Variants in PLCL1 observed in about 807,000 individuals in gnomAD.
The protein encoded by PLCL1 is inactive phospholipase C-like protein 1.
In PLCL1, 41 loss-of-function variants were observed where a neutral mutation model predicts 84.4. That is an observed-to-expected ratio of 0.49 (90% confidence interval 0.38 to 0.63). The LOEUF (loss-of-function observed/expected upper bound fraction) is 0.63. Among genes scored for constraint, PLCL1 ranks in the 30% least tolerant of loss-of-function variants. The pLI is 0.00. For missense variants in PLCL1, 1,206 were observed against 1,367.8 expected, an observed-to-expected ratio of 0.88 and a Z score of 1.87; for synonymous variants, 490 against 488.3, an observed-to-expected ratio of 1.00 and a Z score of -0.05.
chr2:197,953,385 C>T (rs757208224), intron 1 of PLCL1, among the ~76,000 whole-genome samples: 3 of 152,052 alleles, frequency 2.0e-5, no homozygotes, highest in Non-Finnish European at 4.4e-5. Flanking sequence ...CCCAAGGGAA[C>T]AGAAAACCTC....
intron 1 of PLCL1, among the ~76,000 whole-genome samples, chr2:197,968,356 A>T (rs74827600): frequency 0.014 from 2,152 of 152,308 alleles, 61 homozygotes; most frequent in African/African-American, 0.048. Context: ...TGAATGTACC[A>T]CACAGAATTA....
At chr2:198,018,852 G>A (rs1017801114) in intron 1 of PLCL1, among the ~76,000 whole-genome samples, 2 of 152,198 alleles carry the variant, frequency 1.3e-5, no homozygotes, top group South Asian at 2.1e-4. Context: ...AGAGAGCAAC[G>A]GATCTCCCAG....
chr2:197,963,332 A>G (rs1689661077), intron 1 of PLCL1, among the ~76,000 whole-genome samples: 1 of 152,114 alleles, frequency 6.6e-6, no homozygotes, highest in South Asian at 2.1e-4. Context: ...TTCTTTGATG[A>G]TCAATGATGT....
intron 1 of PLCL1, among the ~76,000 whole-genome samples, chr2:197,810,944 T>C (rs1690574108): frequency 6.6e-6 from 1 of 152,204 alleles, no homozygotes; most frequent in Non-Finnish European, 1.5e-5. Flanking sequence ...AAATGAGCCA[T>C]TGGTTATAAG....
Position 197,946,154 on chromosome 2 carries a change from G to C in PLCL1, c.241-137604G>C, listed in dbSNP as rs141017951. On this transcript the variant is annotated intron_variant, in intron 1 of 5. Transcript: ENST00000428675. ...CTTTAACAAAAAAAGGAGAGCCATA[G>C]AAGTATTGGTGGGATATACGATTGA... is the stretch of plus-strand genomic sequence containing the variant. 3.7e-3 allele frequency among the ~76,000 whole-genome samples: 568 copies of C among 152,264 alleles called. 7 individuals carry two copies. Among genetic ancestry groups the C allele is most frequent in the East Asian group, 0.025 (131 of 5,192 alleles).
intron 5 of PLCL1, among the ~76,000 whole-genome samples, chr2:198,114,170 T>C (rs903447936): frequency 6.6e-6 from 1 of 151,874 alleles, no homozygotes; most frequent in Non-Finnish European, 1.5e-5. Flanking sequence ...AAATAGAATG[T>C]TAATGCTTCT....
chr2:198,131,667 T>C (rs1207704337), intron 5 of PLCL1, among the ~76,000 whole-genome samples: 1 of 152,214 alleles, frequency 6.6e-6, no homozygotes, highest in Non-Finnish European at 1.5e-5. Flanking sequence ...ATTCTTTCTA[T>C]CCTTTTGACT....
chr2:198,087,506 A>T (rs752504799), intron 2 of PLCL1, among the ~76,000 whole-genome samples: 4 of 152,162 alleles, frequency 2.6e-5, no homozygotes, highest in Non-Finnish European at 4.4e-5. Context: ...ATCCTCACCA[A>T]AAATCCCTGT....
chr2:198,091,867 T>C (rs1693051422), intron 3 of PLCL1, among the ~76,000 whole-genome samples: 2 of 152,078 alleles, frequency 1.3e-5, no homozygotes, highest in African/African-American at 2.4e-5. Context: ...TCATTTATGA[T>C]TTGCCCCTGC....
intron 1 of PLCL1, among the ~76,000 whole-genome samples, chr2:197,832,431 T>A (rs1691087344): frequency 6.6e-6 from 1 of 152,138 alleles, no homozygotes; most frequent in South Asian, 2.1e-4. Flanking sequence ...CCTGAACACA[T>A]ACACCCTTCC....
intron 1 of PLCL1, among the ~76,000 whole-genome samples, chr2:197,966,519 G>C (rs147282534): frequency 3.7e-4 from 57 of 152,200 alleles, no homozygotes; most frequent in African/African-American, 1.3e-3. Flanking sequence ...TGCTGTGACA[G>C]GGCAAGACTG....
chr2:198,129,297 T>C (rs545109643), intron 5 of PLCL1, among the ~76,000 whole-genome samples: 3 of 152,140 alleles, frequency 2.0e-5, no homozygotes, highest in Non-Finnish European at 4.4e-5. Flanking sequence ...CCTCTAAGGA[T>C]GGCCACCTAT....
chr2:198,060,762 T>C (rs1692177873), intron 1 of PLCL1, among the ~76,000 whole-genome samples: 1 of 152,220 alleles, frequency 6.6e-6, no homozygotes, highest in African/African-American at 2.4e-5. Context: ...CACTGTTTGT[T>C]TAAAGAAATA....
intron 5 of PLCL1, among the ~76,000 whole-genome samples, chr2:198,123,452 G>A (rs1693918049): frequency 6.6e-6 from 1 of 151,926 alleles, no homozygotes; most frequent in African/African-American, 2.4e-5. Flanking sequence ...TGGGGCGGGG[G>A]ATAATCCAAT....
intron 2 of PLCL1, among the ~76,000 whole-genome samples, chr2:198,087,484 G>T (rs935924142): frequency 1.4e-4 from 21 of 152,124 alleles, no homozygotes; most frequent in Non-Finnish European, 2.5e-4. Context: ...TTTAGCTGAT[G>T]TGTTTATAAT....
Position 198,085,568 on chromosome 2 carries a change from G to T in PLCL1, c.2051G>T (p.Trp684Leu). 6.2e-7 allele frequency: 1 copy of T among 1,614,072 alleles called. No individual in the cohort carries two copies. The highest frequency in any genetic ancestry group is 8.5e-7 in the Non-Finnish European group (1 of 1,179,986). ...PGPMMDLHTG[W>L]FLQNGGCGYV... ...CCAATGATGGACCTTCACACGGGCT[G>T]GTTTCTTCAAAACGGGGGATGTGGT... The change falls in exon 2 of 6, where the codon TGG becomes TTG. Residue 684 changes from tryptophan (W) to leucine (L), a missense_variant. Transcript: ENST00000428675. The surrounding 1 kb of genome is among the most constrained non-coding windows in gnomAD (Gnocchi z 5.3).
chr2:198,013,681 A>C (rs1248683440), intron 1 of PLCL1, among the ~76,000 whole-genome samples: 1 of 152,146 alleles, frequency 6.6e-6, no homozygotes, highest in African/African-American at 2.4e-5. Context: ...ACAAACATAT[A>C]AGAAAGCTGT....
chr2:197,973,240 T>C (rs1391630877), intron 1 of PLCL1, among the ~76,000 whole-genome samples: 2 of 152,192 alleles, frequency 1.3e-5, no homozygotes, highest in African/African-American at 4.8e-5. Flanking sequence ...TGCACTTTGC[T>C]TGGCGACTGC....
intron 1 of PLCL1, among the ~76,000 whole-genome samples, chr2:197,931,987 A>G (rs929277107): frequency 1.3e-5 from 2 of 152,198 alleles, no homozygotes; most frequent in African/African-American, 4.8e-5. Flanking sequence ...CATAGAGCAG[A>G]ACTGGACTAT....
Sources: allele counts gnomAD v4.1 joint callset (sites outside exome capture counted in the v4.1 genomes callset), GRCh38; gene constraint gnomAD v4.1.1; non-coding constraint Gnocchi (gnomAD v3.1); transcripts MANE v1.5; gene names NCBI Gene and HGNC (gene_info 2026-07-23, HGNC 2026-07-21).